Variants in TMEM164 observed in about 807,000 individuals in gnomAD.
TMEM164 encodes transmembrane protein 164, also known as RP13-360B22.2.
A neutral mutation model predicts 18.8 loss-of-function variants in TMEM164; 4 were observed. That is an observed-to-expected ratio of 0.21 (90% CI 0.10 to 0.49). The LOEUF is 0.49. Ranked by LOEUF, TMEM164 falls within the 20% of genes least tolerant of loss-of-function variation. The pLI, the probability that TMEM164 is intolerant of heterozygous loss-of-function variation, is 0.98. For missense variants in TMEM164, 108 were observed against 239.9 expected (o/e 0.45, Z 3.63); for synonymous variants, 86 against 101.7 (o/e 0.85, Z 0.93).
At chrX:110,005,655 G>A (rs892265261) in intron 2 of TMEM164, among the ~76,000 whole-genome samples, 2 of 112,382 alleles carry the variant, frequency 1.8e-5, no homozygotes, top group South Asian at 3.7e-4. Flanking sequence ...GGGCTTCTTG[G>A]GAAGTGATGC....
At chrX:110,105,683 C>G (rs987029477) in intron 3 of TMEM164, among the ~76,000 whole-genome samples, 1 of 76,545 alleles carries the variant, frequency 1.3e-5, no homozygotes, top group Admixed American at 1.4e-4. Flanking sequence ...AACACAGACA[C>G]ACACACACAC....
chrX:110,163,978 T>A (rs2067127130), intron 5 of TMEM164, among the ~76,000 whole-genome samples: 1 of 112,265 alleles, frequency 8.9e-6, no homozygotes, highest in African/African-American at 3.2e-5. Flanking sequence ...GGTTAATATC[T>A]GAGAGTGAAA....
intron 2 of TMEM164, chrX:110,020,379 C>G: frequency 1.3e-6 from 1 of 753,930 alleles, no homozygotes; most frequent in Non-Finnish European, 1.6e-6. Flanking sequence ...GATGGATTGT[C>G]CAGCAGGCTA....
Position 110,085,336 on chromosome X carries a change from A to AAT in TMEM164, c.440+17957_440+17958dup, listed in dbSNP as rs1556000992. ...CCACCATGCTTGGCTAATTAAAAAA[A>AAT]ATATATATATATATATATTAAAACA... On this transcript the variant is annotated intron_variant, in intron 3 of 6. Coordinates refer to ENST00000372068, the MANE Select transcript of TMEM164 (RefSeq NM_032227.4). Among the ~76,000 whole-genome samples, 68 of 80,624 alleles carry AAT rather than the reference A, an allele frequency of 8.4e-4. 1 individual carries two copies. Among genetic ancestry groups the AAT allele is most frequent in the South Asian group, 5.7e-3 (12 of 2,119 alleles). 70.0% of individuals were successfully genotyped at this position (80,624 alleles called of 115,157 possible). A position where few individuals can be genotyped will look rare whatever the true frequency, so the allele number is the denominator to read the frequency against.
intron 2 of TMEM164, among the ~76,000 whole-genome samples, chrX:110,035,032 A>G (rs60978584): frequency 2.2e-5 from 2 of 90,861 alleles, no homozygotes; most frequent in African/African-American, 4.1e-5. Context: ...AGAACACATG[A>G]ACACAGGAAG....
intron 2 of TMEM164, among the ~76,000 whole-genome samples, chrX:110,048,714 A>T (rs190699699): frequency 1.5e-4 from 17 of 111,995 alleles, no homozygotes; most frequent in African/African-American, 5.5e-4. Context: ...TATTTGTAGC[A>T]GTCTCAAATC....
chrX:110,034,392 G>C, intron 2 of TMEM164, among the ~76,000 whole-genome samples: 1 of 112,339 alleles, frequency 8.9e-6, no homozygotes, highest in Non-Finnish European at 1.9e-5. Context: ...GGAAACTAAA[G>C]AATTTGGCAA....
rs749202651 is a variant in TMEM164 at position 110,090,176 on chromosome X, C to A, written c.441-18904C>A. ...TTGTGCGGCCCCATTTGGTTCAGAA[C>A]AAGGAAGTGGGAAACCACCAGCTGC... On this transcript the variant is annotated intron_variant, in intron 3 of 6. Coordinates refer to ENST00000372068, the MANE Select transcript of TMEM164 (RefSeq NM_032227.4). Among the ~76,000 whole-genome samples, 5 of 110,719 alleles carry A rather than the reference C, an allele frequency of 4.5e-5. No homozygotes were observed. The East Asian group carries it at 1.1e-3, about 25-fold the overall frequency.
At chrX:110,067,151 T>TGCGC (rs200386068) in intron 2 of TMEM164, among the ~76,000 whole-genome samples, 196 bp from the exon 3 acceptor site, 111 of 85,856 alleles carry the variant, frequency 1.3e-3, no homozygotes, top group African/African-American at 1.8e-3. Flanking sequence ...TTCTCATGTG[T>TGCGC]GCGCACACAC....
intron 2 of TMEM164, among the ~76,000 whole-genome samples, chrX:110,059,841 C>T (rs186637869): frequency 9.0e-6 from 1 of 111,473 alleles, no homozygotes; most frequent in African/African-American, 3.3e-5. Context: ...AGATTGGACA[C>T]CCGTGAATTA....
intron 4 of TMEM164, among the ~76,000 whole-genome samples, chrX:110,111,825 G>A (rs923379096): frequency 1.8e-5 from 2 of 112,012 alleles, no homozygotes; most frequent in Non-Finnish European, 3.8e-5. Context: ...TAGAAAGCTG[G>A]TGGTGAAGTT....
chrX:110,117,808 T>G (rs2066392118), intron 4 of TMEM164, among the ~76,000 whole-genome samples: 1 of 112,429 alleles, frequency 8.9e-6, no homozygotes, highest in South Asian at 3.7e-4. Flanking sequence ...TTTACACTTA[T>G]CCTTTGCTTG....
At chrX:110,142,829 G>A (rs947226008) in intron 4 of TMEM164, among the ~76,000 whole-genome samples, 2 of 113,035 alleles carry the variant, frequency 1.8e-5, no homozygotes, top group Admixed American at 9.3e-5. Flanking sequence ...GCTTGTAACT[G>A]CAATGCTTAA....
rs774974293 is a variant in TMEM164 at position 110,026,239 on chromosome X, A to C, written c.390+22075A>C. 2.7e-5 allele frequency among the ~76,000 whole-genome samples: 3 copies of C among 112,112 alleles called. No homozygotes were observed. The South Asian group carries it at 1.1e-3, about 42-fold the overall frequency. On this transcript the variant is annotated intron_variant, in intron 2 of 6. Transcript: ENST00000372068. ...TTGACGATGGAGATTAGTCATTAGAAACTCTGGATTTCATCCTCACAGGAA... is the reference window on the plus strand; with the variant it reads ...TTGACGATGGAGATTAGTCATTAGACACTCTGGATTTCATCCTCACAGGAA...
At chrX:110,159,190 G>A (rs934105638) in intron 5 of TMEM164, among the ~76,000 whole-genome samples, 2 of 111,048 alleles carry the variant, frequency 1.8e-5, no homozygotes, top group African/African-American at 6.6e-5. Flanking sequence ...AGTGTGGGGA[G>A]AGGGGGATGA....
chrX:110,092,973 G>A (rs941699990), intron 3 of TMEM164, among the ~76,000 whole-genome samples: 15 of 111,746 alleles, frequency 1.3e-4, no homozygotes, highest in African/African-American at 4.9e-4. Context: ...ATAATCGTGT[G>A]GTTTTTGTCT....
intron 2 of TMEM164, among the ~76,000 whole-genome samples, chrX:110,011,257 T>C (rs999570458): frequency 8.9e-6 from 1 of 111,747 alleles, no homozygotes; most frequent in Admixed American, 9.5e-5. Flanking sequence ...GACAAGGAAA[T>C]AGATCAACTA....
upstream of TMEM164, chrX:110,002,966 T>A (rs1272068816): frequency 9.8e-6 from 1 of 101,812 alleles, no homozygotes; most frequent in African/African-American, 3.7e-5. Context: ...GGGGGGCAGG[T>A]CCCGGGCGGG....
intron 6 of TMEM164, among the ~76,000 whole-genome samples, chrX:110,172,130 G>A (rs112364316): frequency 0.05 from 5,607 of 111,722 alleles, 358 homozygotes; most frequent in African/African-American, 0.17. Context: ...TGGGGGTCAG[G>A]AGACCCAAGT....
Sources: allele counts gnomAD v4.1 joint callset (sites outside exome capture counted in the v4.1 genomes callset), GRCh38; gene constraint gnomAD v4.1.1; transcripts MANE v1.5; gene names NCBI Gene and HGNC (gene_info 2026-07-23, HGNC 2026-07-21).